Variants in LHCGR observed in about 807,000 individuals in gnomAD.
The protein encoded by LHCGR is luteinizing hormone/choriogonadotropin receptor, also known as lutropin-choriogonadotropic hormone receptor.
A neutral mutation model predicts 60.7 loss-of-function variants in LHCGR; 55 were observed. The ratio of observed to expected loss-of-function variants is 0.91; its 90% CI spans 0.73 to 1.13. The LOEUF (loss-of-function observed/expected upper bound fraction) is 1.13. Among genes scored for constraint, LHCGR ranks in the 50% most tolerant of loss-of-function variants. LHCGR has a pLI of 0.00. For synonymous variants in LHCGR, 337 were observed against 316.5 expected, an observed-to-expected ratio of 1.06 and a Z score of -0.69; for missense variants, 862 against 836.0, an observed-to-expected ratio of 1.03 and a Z score of -0.38.
intron 8 of LHCGR, among the ~76,000 whole-genome samples, chr2:48,703,471 C>T (rs1181099798): frequency 3.9e-5 from 6 of 152,174 alleles, no homozygotes; most frequent in Admixed American, 2.6e-4. Context: ...GGAAGGGATC[C>T]AGTTTCAGCT....
intron 1 of LHCGR, among the ~76,000 whole-genome samples, chr2:48,733,803 C>T (rs1224854101): frequency 7.9e-5 from 12 of 151,822 alleles, no homozygotes; most frequent in African/African-American, 2.2e-4. Flanking sequence ...ATTTCTGATT[C>T]GTCTTTGATG....
chr2:48,747,228 A>C (rs1669749221), intron 1 of LHCGR, among the ~76,000 whole-genome samples: 1 of 152,102 alleles, frequency 6.6e-6, no homozygotes, highest in Non-Finnish European at 1.5e-5. Flanking sequence ...AGCTGGGACT[A>C]CAGGCAAGCA....
At chr2:48,719,536 AT>A in intron 6 of LHCGR, among the ~76,000 whole-genome samples, 1 of 152,296 alleles carries the variant, frequency 6.6e-6, no homozygotes, top group East Asian at 1.9e-4. Flanking sequence ...CACCTAGAAT[AT>A]TTTGAAGGTG....
chr2:48,707,594 C>G (rs564280269), intron 8 of LHCGR, among the ~76,000 whole-genome samples: 1 of 152,246 alleles, frequency 6.6e-6, no homozygotes, highest in Non-Finnish European at 1.5e-5. Flanking sequence ...GTCCTGCCCA[C>G]AGAGGTGGAA....
intron 9 of LHCGR, 74 bp downstream of exon 9, chr2:48,698,541 C>G: frequency 8.2e-7 from 1 of 1,214,112 alleles, no homozygotes; most frequent in Non-Finnish European, 1.2e-6. Flanking sequence ...GTGGAGCTGT[C>G]TACTCATTGA....
At chr2:48,743,982 C>G (rs1199007665) in intron 1 of LHCGR, among the ~76,000 whole-genome samples, 1 of 145,452 alleles carries the variant, frequency 6.9e-6, no homozygotes, top group Non-Finnish European at 1.5e-5. Context: ...AGCTGATAAG[C>G]AACTTCAGCA....
chr2:48,696,250 A>T (rs1427204316), intron 9 of LHCGR, among the ~76,000 whole-genome samples: 3 of 151,954 alleles, frequency 2.0e-5, no homozygotes, highest in African/African-American at 7.3e-5. Flanking sequence ...TGAAAGAAGT[A>T]TCATGCTGTT....
At chr2:48,716,012 T>C (rs550764376) in intron 6 of LHCGR, among the ~76,000 whole-genome samples, 119 of 152,310 alleles carry the variant, frequency 7.8e-4, no homozygotes, top group Middle Eastern at 3.4e-3. Flanking sequence ...GGCTCTCATA[T>C]GCTTTCTTCT....
At chr2:48,751,426 C>T (rs1313875513) in intron 1 of LHCGR, among the ~76,000 whole-genome samples, 1 of 152,184 alleles carries the variant, frequency 6.6e-6, no homozygotes, top group Non-Finnish European at 1.5e-5. Context: ...CACCAGGACC[C>T]CTCTTTCCTT....
intron 6 of LHCGR, among the ~76,000 whole-genome samples, chr2:48,719,694 T>G (rs1188402163): frequency 6.6e-6 from 1 of 152,196 alleles, no homozygotes; most frequent in Non-Finnish European, 1.5e-5. Flanking sequence ...TTCTCCAGCA[T>G]CAAGTGAAGT....
At chr2:48,729,105 T>G in intron 3 of LHCGR, 48 bp downstream of exon 3, 1 of 1,380,028 alleles carries the variant, frequency 7.2e-7, no homozygotes, top group Non-Finnish European at 1.0e-6. Context: ...CTCCAGCCAG[T>G]GAGGGTAATA....
intron 7 of LHCGR, 102 bp from the exon 8 acceptor site, chr2:48,709,124 A>C (rs970315582): frequency 1.1e-6 from 1 of 873,060 alleles, no homozygotes. Flanking sequence ...CATGATGTAT[A>C]GGGTTAAAAG....
intron 1 of LHCGR, among the ~76,000 whole-genome samples, chr2:48,747,429 C>T (rs769800158): frequency 1.3e-5 from 2 of 151,764 alleles, no homozygotes; most frequent in African/African-American, 4.8e-5. Context: ...GCCTGTGTGC[C>T]TTCACTTTTT....
chr2:48,725,297 G>C (rs575739103), intron 4 of LHCGR, among the ~76,000 whole-genome samples: 4 of 152,108 alleles, frequency 2.6e-5, no homozygotes, highest in South Asian at 2.1e-4. Context: ...CCCGTGATGA[G>C]AGTCAGACCA....
intron 1 of LHCGR, among the ~76,000 whole-genome samples, chr2:48,741,674 A>C (rs1269975066): frequency 1.3e-5 from 2 of 151,686 alleles, no homozygotes; most frequent in East Asian, 3.9e-4. Context: ...CCTGCCCTAA[A>C]AGAGCTCCTG....
intron 8 of LHCGR, among the ~76,000 whole-genome samples, chr2:48,706,821 G>A (rs763271113): frequency 6.2e-4 from 94 of 152,036 alleles, no homozygotes; most frequent in African/African-American, 1.7e-3. Flanking sequence ...TAGCTTCCTT[G>A]TGATGGGTTA....
At chr2:48,740,861 G>A (rs1558889817) in intron 1 of LHCGR, among the ~76,000 whole-genome samples, 1 of 152,254 alleles carries the variant, frequency 6.6e-6, no homozygotes, top group African/African-American at 2.4e-5. Flanking sequence ...GACGAGCTGA[G>A]AGAAGAAGGC....
chr2:48,736,706 TAGA>T (rs1443505237), intron 1 of LHCGR, among the ~76,000 whole-genome samples: 3 of 152,106 alleles, frequency 2.0e-5, no homozygotes, highest in Non-Finnish European at 2.9e-5. Flanking sequence ...TTTAAGAAAA[TAGA>T]AGATTTGTTT....
At chr2:48,725,525 CAATT>C (rs879307895) in intron 4 of LHCGR, 147 bp downstream of exon 4, 4 of 667,690 alleles carry the variant, frequency 6.0e-6, no homozygotes, top group Non-Finnish European at 1.1e-5. Flanking sequence ...CAAGAAATGA[CAATT>C]AAATTTAAAT....
Sources: allele counts gnomAD v4.1 joint callset (sites outside exome capture counted in the v4.1 genomes callset), GRCh38; gene constraint gnomAD v4.1.1; transcripts MANE v1.5; gene names NCBI Gene and HGNC (gene_info 2026-07-23, HGNC 2026-07-21).